PUDP: variants seen among roughly 807,000 people sequenced by gnomAD.
PUDP encodes pseudouridine-5'-phosphatase.
PUDP carries 8 observed loss-of-function variants against 9.4 expected under a neutral mutation model. That is an observed-to-expected ratio of 0.85 (90% CI 0.50 to 1.53). The LOEUF is 1.53. Among genes scored for constraint, PUDP ranks in the 40% most tolerant of loss-of-function variants. The pLI, the probability that PUDP is intolerant of heterozygous loss-of-function variation, is 0.00. For missense variants in PUDP, 188 were observed against 189.7 expected (o/e 0.99, Z 0.05); for synonymous variants, 99 against 80.7 (o/e 1.23, Z -1.22).
chrX:6,784,316 T>C (rs1387266596), intron 3 of PUDP, among the ~76,000 whole-genome samples: 2 of 112,004 alleles, frequency 1.8e-5, no homozygotes, highest in Non-Finnish European at 3.8e-5. Flanking sequence ...GGTGCAAATG[T>C]TGTTTGTGCT....
intron 3 of PUDP, among the ~76,000 whole-genome samples, chrX:6,760,744 C>T (rs1925220340): frequency 8.9e-6 from 1 of 111,732 alleles, no homozygotes; most frequent in Non-Finnish European, 1.9e-5. Flanking sequence ...TTATTTTTAA[C>T]GTGGAGATTT....
chrX:6,785,630 C>T (rs1285311283), intron 3 of PUDP, among the ~76,000 whole-genome samples: 1 of 110,934 alleles, frequency 9.0e-6, no homozygotes, highest in Admixed American at 9.6e-5. Flanking sequence ...CTTTAATTCC[C>T]TTTTATATAA....
At chrX:6,851,915 G>A (rs1026766793) in intron 3 of PUDP, among the ~76,000 whole-genome samples, 12 of 112,154 alleles carry the variant, frequency 1.1e-4, no homozygotes, top group Admixed American at 8.5e-4. Flanking sequence ...CAAGTCTACG[G>A]TGCCTTAATA....
intron 3 of PUDP, among the ~76,000 whole-genome samples, chrX:6,847,049 A>G (rs1316459467): frequency 8.9e-6 from 1 of 112,119 alleles, no homozygotes; most frequent in Non-Finnish European, 1.9e-5. Context: ...AAAACCCTTT[A>G]AAGATCTGAA....
upstream of PUDP, among the ~76,000 whole-genome samples, chrX:6,725,353 C>T (rs1924726921): frequency 9.0e-6 from 1 of 111,461 alleles, no homozygotes; most frequent in Non-Finnish European, 1.9e-5. Context: ...GTACATTATA[C>T]CCATTACATA....
At chrX:6,834,086 T>A (rs960070910) in intron 3 of PUDP, among the ~76,000 whole-genome samples, 29 of 111,820 alleles carry the variant, frequency 2.6e-4, no homozygotes, top group African/African-American at 8.1e-4. Context: ...TAAAAACAGA[T>A]ACACAGAGAG....
intron 3 of PUDP, among the ~76,000 whole-genome samples, chrX:6,832,890 A>G (rs1926524455): frequency 9.0e-6 from 1 of 111,270 alleles, no homozygotes; most frequent in Non-Finnish European, 1.9e-5. Flanking sequence ...GGTTAATTCT[A>G]GCACAAACCG....
At chrX:6,939,597 C>T (rs1418690446) in intron 3 of PUDP, among the ~76,000 whole-genome samples, 2 of 110,250 alleles carry the variant, frequency 1.8e-5, no homozygotes, top group South Asian at 3.8e-4. Context: ...GGTGCAGTGG[C>T]TCATGCTTGT....
At chrX:6,794,582 T>C (rs751571095) in intron 3 of PUDP, among the ~76,000 whole-genome samples, 2 of 109,215 alleles carry the variant, frequency 1.8e-5, no homozygotes, top group Admixed American at 2.0e-4. Flanking sequence ...TTTTTTTTTT[T>C]TTTTTGGAGA....
chrX:7,107,011 C>T (rs1186280240), intron 1 of PUDP, among the ~76,000 whole-genome samples: 4 of 111,642 alleles, frequency 3.6e-5, no homozygotes, highest in Admixed American at 2.8e-4. Flanking sequence ...TTCCAGTCTG[C>T]GGTGGCACAG....
rs528080105 is a variant in PUDP, at chrX:6,911,004, C to T, written c.*247+66129G>A. ...AAAGCAAGGAAATATCCATTCAGTT[C>T]GCTTAACAGAGTAAGGATGGATAAA... On this transcript the variant is annotated intron_variant and NMD_transcript_variant, in intron 3 of 3. Transcript: ENST00000655425. Among the ~76,000 whole-genome samples, 138 of 111,750 alleles carry T rather than the reference C, an allele frequency of 1.2e-3. 5 individuals are homozygous for T. The South Asian group carries it at 0.051, about 41-fold the overall frequency.
chrX:6,858,331 T>C (rs1602648191), intron 3 of PUDP, among the ~76,000 whole-genome samples: 3 of 98,299 alleles, frequency 3.1e-5, no homozygotes, highest in Non-Finnish European at 6.2e-5. Flanking sequence ...TCTTTTTTTT[T>C]TTTCTTTTTT....
At chrX:6,984,970 T>A (rs1929084903) in intron 1 of PUDP, among the ~76,000 whole-genome samples, 2 of 112,015 alleles carry the variant, frequency 1.8e-5, no homozygotes, top group African/African-American at 6.5e-5. Flanking sequence ...TGAATGGACT[T>A]GATATTTTTG....
chrX:6,902,770 G>A (rs542831912), intron 3 of PUDP, among the ~76,000 whole-genome samples: 234 of 111,575 alleles, frequency 2.1e-3, no homozygotes, highest in African/African-American at 7.2e-3. Context: ...TTCCAGGGGG[G>A]CCTGGTTTGC....
intron 3 of PUDP, among the ~76,000 whole-genome samples, chrX:6,816,939 T>C (rs867059836): frequency 6.3e-5 from 6 of 95,942 alleles, no homozygotes; most frequent in East Asian, 3.1e-4. Context: ...TATACACATA[T>C]AGTATATACT....
chrX:7,109,980 TC>T (rs1931993104), intron 1 of PUDP, among the ~76,000 whole-genome samples: 1 of 111,863 alleles, frequency 8.9e-6, no homozygotes, highest in African/African-American at 3.3e-5. Context: ...ACCACTCCCC[TC>T]CTCCCAGCTG....
rs1435435675 is a variant in PUDP, at chrX:7,036,992, A to G, written c.204+40228T>C. The stretch of plus-strand genomic sequence containing the variant: ...GTTTTTGGCTGCGTTGTGGTATACA[A>G]TCTTTCCGGTTCTCATCTTCATAAA... On this transcript the variant is annotated intron_variant and NMD_transcript_variant, in intron 1 of 3. Coordinates refer to the PUDP transcript ENST00000655425. Among the ~76,000 whole-genome samples the G allele has an allele frequency of 1.8e-5, 2 of 111,915 alleles. 1 individual carries two copies. The highest frequency in any genetic ancestry group is 5.6e-4 in the East Asian group (2 of 3,576).
chrX:7,097,666 C>T (rs955110557), intron 2 of PUDP, among the ~76,000 whole-genome samples: 2 of 110,976 alleles, frequency 1.8e-5, no homozygotes, highest in African/African-American at 3.3e-5. Flanking sequence ...TGTGTCCCCC[C>T]GAGCACTCAC....
intron 3 of PUDP, among the ~76,000 whole-genome samples, chrX:7,051,793 C>T (rs1265540564): frequency 5.3e-5 from 6 of 112,355 alleles, no homozygotes; most frequent in Non-Finnish European, 1.1e-4. Flanking sequence ...GAAGCTTCTT[C>T]CCTGCATTCC....
Sources: gnomAD v4.1 joint callset for allele counts (sites outside exome capture counted in the v4.1 genomes callset) on GRCh38, gnomAD v4.1.1 for gene constraint, MANE v1.5 for transcripts, NCBI Gene and HGNC (gene_info 2026-07-23, HGNC 2026-07-21) for gene names.